The following ABL1 variants were observed in gnomAD, a reference collection of about 807,000 sequenced individuals.
ABL1 encodes tyrosine-protein kinase ABL1.
ABL1 carries 11 observed loss-of-function variants against 94.7 expected under a neutral mutation model. The ratio of observed to expected loss-of-function variants is 0.12; its 90% CI spans 0.07 to 0.19. The LOEUF (loss-of-function observed/expected upper bound fraction) is 0.19. ABL1 is among the 10% of genes least tolerant of loss of function. ABL1 has a pLI of 1.00. For synonymous variants in ABL1, 656 were observed against 622.4 expected (o/e 1.05, Z -0.80); for missense variants, 1,082 against 1,489.4 (o/e 0.73, Z 4.50).
chr9:130,734,416 C>T (rs1588215255), intron 1 of ABL1, among the ~76,000 whole-genome samples: 1 of 150,834 alleles, frequency 6.6e-6, no homozygotes, highest in South Asian at 2.1e-4. Context: ...AGGGTTTCAC[C>T]GTGTTAGCCA....
At chr9:130,713,791 G>T (rs1418982810) in exon 1 of ABL1, among the ~76,000 whole-genome samples, 1 of 152,300 alleles carries the variant, frequency 6.6e-6, no homozygotes, top group Non-Finnish European at 1.5e-5. Context: ...TGGGTGACCC[G>T]TGTCCTTTTC....
rs1831433097 is a variant in ABL1 at position 130,880,516 on chromosome 9, G to A, written c.1530G>A (p.Leu510=). ...GATTCTTAGAAGTGGAAAAGGAGCTGGGGAAACAAGGCGTCCGTGGGGCTG... is the reference window on the plus strand; with the variant it reads ...GATTCTTAGAAGTGGAAAAGGAGCTAGGGAAACAAGGCGTCCGTGGGGCTG... The part of the protein sequence containing the change: ...SSISDEVEKE[L]GKQGVRGAVS... Residue 510 remains leucine (L), a synonymous_variant, in exon 10 of 11, where the codon CTG becomes CTA. Coordinates refer to ENST00000318560, the MANE Select transcript of ABL1 (RefSeq NM_005157.6). The surrounding 1 kb of genome is among the most constrained non-coding windows in gnomAD (Gnocchi z 4.4). The A allele has an allele frequency of 6.2e-7, 1 of 1,613,908 alleles. No individual in the cohort carries two copies. The highest frequency in any genetic ancestry group is 8.5e-7 in the Non-Finnish European group (1 of 1,179,906).
rs148063581 is a variant in ABL1, at chr9:130,786,850, G to GA, written c.137-67207dup. 9.9e-5 allele frequency among the ~76,000 whole-genome samples: 15 copies of GA among 152,164 alleles called. No individual in the cohort carries two copies. In the South Asian group the frequency reaches 3.1e-3, roughly 32 times the overall value. On this transcript the variant is annotated intron_variant, in intron 1 of 10. Coordinates refer to the ABL1 transcript ENST00000372348. ...GTTATGATATAGTAACTTAATAAGT[G>GA]AAAAAAACATCTTGGACCAATAAGG...
In ABL1 at chr9:130,810,756, A is replaced by AG. The variant is rs1485684523; in HGVS notation, c.137-43307dup. 3.3e-5 allele frequency among the ~76,000 whole-genome samples: 5 copies of AG among 151,594 alleles called. 1 individual carries two copies. Among genetic ancestry groups the AG allele is most frequent in the Admixed American group, 1.3e-4 (2 of 15,152 alleles). On this transcript the variant is annotated intron_variant, in intron 1 of 10. Coordinates refer to the ABL1 transcript ENST00000372348. ...GGGACCAAAAAATATATATAGAGAG[A>AG]GAAAAAAAAATGGCTGAAAAATTTC...
rs1831606537 is a variant in ABL1, at chr9:130,887,425, C to T, written c.*1742C>T. 4.3e-6 allele frequency: 1 copy of T among 233,346 alleles called. No homozygotes were observed. Among genetic ancestry groups the T allele is most frequent in the African/African-American group, 2.2e-5 (1 of 45,364 alleles). 14.5% of individuals were successfully genotyped at this position (233,346 alleles called of 1,614,324 possible). On this transcript the variant is annotated 3_prime_UTR_variant, in exon 11 of 11. Coordinates refer to ENST00000318560, the MANE Select transcript of ABL1 (RefSeq NM_005157.6). ...GCCTGTCTCCATGAGGTACTGGTCCCTTCCTTTTGTTAACGTGATGTGCCA... is the reference window on the plus strand; with the variant it reads ...GCCTGTCTCCATGAGGTACTGGTCCTTTCCTTTTGTTAACGTGATGTGCCA...
At chr9:130,799,103 A>G (rs1162648120) in intron 1 of ABL1, among the ~76,000 whole-genome samples, 1 of 152,178 alleles carries the variant, frequency 6.6e-6, no homozygotes, top group Non-Finnish European at 1.5e-5. Context: ...TAATAGAAAT[A>G]TCTGTAAAGC....
chr9:130,859,837 T>C (rs528952811), intron 3 of ABL1, among the ~76,000 whole-genome samples: 84 of 151,936 alleles, frequency 5.5e-4, no homozygotes, highest in Middle Eastern at 3.4e-3. Context: ...CCCACCAGCA[T>C]GCCCGGCTAA....
Position 130,718,136 on chromosome 9 carries a change from G to A in ABL1, c.136+3681G>A, listed in dbSNP as rs186102755. On this transcript the variant is annotated intron_variant, in intron 1 of 10. Transcript: ENST00000372348. The stretch of plus-strand genomic sequence containing the variant: ...AGTTCGAAACTGGCCTGGCCAACGT[G>A]ATGAAACCCCGTCTGTACTAAAAAT... Among the ~76,000 whole-genome samples, 17 of 151,740 alleles carry A rather than the reference G, an allele frequency of 1.1e-4. No individual in the cohort carries two copies. In the East Asian group the frequency reaches 3.1e-3, roughly 28 times the overall value.
chr9:130,778,441 G>T (rs535437561), intron 1 of ABL1, among the ~76,000 whole-genome samples: 3 of 152,300 alleles, frequency 2.0e-5, no homozygotes, highest in South Asian at 4.1e-4. Context: ...CCTTGCTGGG[G>T]GTGAGGAGGT....
chr9:130,880,280 A>G lies in ABL1; in HGVS notation c.1513+123A>G, dbSNP rs968804003. The G allele has an allele frequency of 5.8e-6, 7 of 1,198,984 alleles. No homozygotes were observed. The East Asian group carries it at 1.4e-4, about 24-fold the overall frequency. 74.3% of individuals were successfully genotyped at this position (1,198,984 alleles called of 1,614,324 possible). A position where few individuals can be genotyped will look rare whatever the true frequency, so the allele number is the denominator to read the frequency against. On this transcript the variant is annotated intron_variant, in intron 9 of 10. Coordinates refer to ENST00000318560, the MANE Select transcript of ABL1 (RefSeq NM_005157.6). The surrounding 1 kb of genome is among the most constrained non-coding windows in gnomAD (Gnocchi z 4.4). ...CAGACCAGCCTGTCCTGAGACCAGA[A>G]AGCTGGGCAGAGGTGTGGAGTATTG...
At chr9:130,851,821 C>T (rs1479545468) in intron 1 of ABL1, among the ~76,000 whole-genome samples, 1 of 140,394 alleles carries the variant, frequency 7.1e-6, no homozygotes, top group Non-Finnish European at 1.5e-5. Flanking sequence ...GGCTGGAGTA[C>T]AGTGGCACAA....
chr9:130,721,663 T>C (rs1362682897), intron 1 of ABL1, among the ~76,000 whole-genome samples: 1 of 152,184 alleles, frequency 6.6e-6, no homozygotes, highest in East Asian at 1.9e-4. Context: ...TGAGCTGTGA[T>C]GGTGCTATTG....
rs750353075 is a variant in ABL1, at chr9:130,880,763, C to A, written c.1678+99C>A. Reference sequence around the variant, plus strand: ...CCAACGGGAAGCTGTGAATGGAGCCCGCACAGAAGGGCAGCCATGGCCTTT... The same window carrying A: ...CCAACGGGAAGCTGTGAATGGAGCCAGCACAGAAGGGCAGCCATGGCCTTT... On this transcript the variant is annotated intron_variant, in intron 10 of 10. Transcript: ENST00000318560. The surrounding 1 kb of genome is among the most constrained non-coding windows in gnomAD (Gnocchi z 4.4). The A allele has an allele frequency of 4.3e-6, 6 of 1,403,866 alleles. No individual in the cohort carries two copies. In the African/African-American group the frequency reaches 8.6e-5, roughly 20 times the overall value. The allele number at this position is 1,403,866 out of a possible 1,614,324, so 87.0% of individuals were successfully genotyped here. A position where few individuals can be genotyped will look rare whatever the true frequency, so the allele number is the denominator to read the frequency against.
chr9:130,863,174 C>T lies in ABL1; in HGVS notation c.822+139C>T. On this transcript the variant is annotated intron_variant, in intron 4 of 10. Transcript: ENST00000318560. This position sits in a 1 kb window ranked among gnomAD's most constrained non-coding sequence, Gnocchi z 4.3. ...GGCGCCACGGAATTGACTTTTCCGT[C>T]TTATATCATTCCTGTGTCTTTGTAG... is the stretch of plus-strand genomic sequence containing the variant. The T allele has an allele frequency of 1.0e-6, 1 of 972,640 alleles. No individual in the cohort carries two copies. The highest frequency in any genetic ancestry group is 2.6e-5 in the East Asian group (1 of 37,878). 60.3% of individuals were successfully genotyped at this position (972,640 alleles called of 1,614,324 possible).
intron 1 of ABL1, among the ~76,000 whole-genome samples, chr9:130,807,205 T>G (rs1427340416): frequency 6.6e-6 from 1 of 152,170 alleles, no homozygotes; most frequent in African/African-American, 2.4e-5. Context: ...ATTGTGTGAG[T>G]AGGCCATCAT....
chr9:130,760,695 G>T (rs1289898928), intron 1 of ABL1, among the ~76,000 whole-genome samples: 5 of 149,454 alleles, frequency 3.3e-5, no homozygotes, highest in African/African-American at 1.2e-4. Context: ...ATGGAGTCTC[G>T]CTCTGTCGCC....
chr9:130,834,919 T>G (rs1348446233), upstream of ABL1: 8 of 455,806 alleles, frequency 1.8e-5, no homozygotes, highest in Non-Finnish European at 3.1e-5. Context: ...ACTGGGAAAC[T>G]CGCCAAAAGC....
At chr9:130,841,550 G>C (rs1454392910) in intron 1 of ABL1, among the ~76,000 whole-genome samples, 2 of 151,898 alleles carry the variant, frequency 1.3e-5, no homozygotes, top group Non-Finnish European at 2.9e-5. Flanking sequence ...GGTGGCTGAC[G>C]CCTGTAATCC....
chr9:130,737,449 G>T (rs929184705), intron 1 of ABL1, among the ~76,000 whole-genome samples: 6 of 151,704 alleles, frequency 4.0e-5, no homozygotes, highest in Middle Eastern at 3.4e-3. Flanking sequence ...TGTATCTTTT[G>T]TAGAGATGGG....
Sources: allele counts gnomAD v4.1 joint callset (sites outside exome capture counted in the v4.1 genomes callset), GRCh38; gene constraint gnomAD v4.1.1; non-coding constraint Gnocchi (gnomAD v3.1); transcripts MANE v1.5; gene names NCBI Gene and HGNC (gene_info 2026-07-23, HGNC 2026-07-21).